LINGO1: variants seen among roughly 807,000 people sequenced by gnomAD.
LINGO1 encodes the protein leucine rich repeat and Ig domain containing 1.
In LINGO1, 11 loss-of-function variants were observed where a neutral mutation model predicts 37.3. The ratio of observed to expected loss-of-function variants is 0.29; its 90% confidence interval spans 0.19 to 0.49. The LOEUF (loss-of-function observed/expected upper bound fraction) is 0.49, where lower values mean the gene tolerates loss of function less well. Ranked by LOEUF, LINGO1 falls within the 20% of genes least tolerant of loss-of-function variation. LINGO1 has a pLI of 0.99. For synonymous variants in LINGO1, 387 were observed against 403.0 expected (o/e 0.96, Z 0.48); for missense variants, 585 against 878.2 (o/e 0.67, Z 4.22).
intron 1 of LINGO1, among the ~76,000 whole-genome samples, chr15:77,694,593 G>C (rs1394818774): frequency 6.6e-6 from 1 of 152,146 alleles, no homozygotes; most frequent in East Asian, 1.9e-4. Context: ...CCCAAAACTT[G>C]AGAGGGGGTC....
At chr15:77,813,600 G>C (rs2077024511) in intron 1 of LINGO1, among the ~76,000 whole-genome samples, 1 of 152,156 alleles carries the variant, frequency 6.6e-6, no homozygotes, top group Non-Finnish European at 1.5e-5. Flanking sequence ...ATAGCACCCA[G>C]AACAGCCAGG....
intron 2 of LINGO1, among the ~76,000 whole-genome samples, chr15:77,720,442 C>T (rs1317884656): frequency 1.3e-5 from 2 of 152,200 alleles, no homozygotes; most frequent in African/African-American, 2.4e-5. Context: ...CAGCAGGTCG[C>T]CTTTTGGAAT....
chr15:77,725,750 A>G (rs2076095968), intron 2 of LINGO1, among the ~76,000 whole-genome samples: 1 of 152,194 alleles, frequency 6.6e-6, no homozygotes, highest in African/African-American at 2.4e-5. Context: ...CAGACCTGGG[A>G]AAGCCAGGAT....
upstream of LINGO1, among the ~76,000 whole-genome samples, chr15:77,820,587 G>A (rs2077088880): frequency 6.6e-6 from 1 of 152,212 alleles, no homozygotes; most frequent in South Asian, 2.1e-4. Context: ...GGAGGACAGG[G>A]CTCACGGGCT....
intron 1 of LINGO1, among the ~76,000 whole-genome samples, chr15:77,736,502 C>T (rs1168895666): frequency 6.6e-5 from 10 of 151,958 alleles, no homozygotes; most frequent in Non-Finnish European, 1.0e-4. Flanking sequence ...GTGGCACACA[C>T]GTGTAATCCC....
chr15:77,776,493 G>GA (rs1309623475), intron 1 of LINGO1, among the ~76,000 whole-genome samples: 97 of 83,020 alleles, frequency 1.2e-3, no homozygotes, highest in African/African-American at 4.1e-3. Flanking sequence ...AGGAAAGCAG[G>GA]AAGGCAGGAA....
Position 77,719,787 on chromosome 15 carries a change from C to A in LINGO1, c.-195+15205G>T, listed in dbSNP as rs1048816847. ...ACACACTCACACATACACAAACTCA[C>A]ATTCACACACACACGCACACTCACA... On this transcript the variant is annotated intron_variant, in intron 2 of 3. Transcript: ENST00000561686. 2.8e-5 allele frequency among the ~76,000 whole-genome samples: 3 copies of A among 106,756 alleles called. 1 individual carries two copies. The highest frequency in any genetic ancestry group is 6.6e-5 in the Non-Finnish European group (3 of 45,326). 70.0% of individuals were successfully genotyped at this position (106,756 alleles called of 152,430 possible). A position where few individuals can be genotyped will look rare whatever the true frequency, so the allele number is the denominator to read the frequency against.
intron 1 of LINGO1, among the ~76,000 whole-genome samples, chr15:77,736,078 G>A (rs901439336): frequency 2.0e-5 from 3 of 152,210 alleles, no homozygotes; most frequent in Admixed American, 2.0e-4. Flanking sequence ...TTCAAATACA[G>A]TAGTCTGTAG....
rs190638612 is a variant in LINGO1, at chr15:77,712,463, C to T, written c.-194-21562G>A. Among the ~76,000 whole-genome samples the T allele has an allele frequency of 5.9e-5, 9 of 152,314 alleles. 1 individual carries two copies. Among genetic ancestry groups the T allele is most frequent in the African/African-American group, 1.7e-4 (7 of 41,566 alleles). Reference sequence around the variant, plus strand: ...CCCCAACCTGGATGAATCCAACCAACATCTTGGCACTTATAGCTGGGAGGC... The same window carrying T: ...CCCCAACCTGGATGAATCCAACCAATATCTTGGCACTTATAGCTGGGAGGC... On this transcript the variant is annotated intron_variant, in intron 2 of 3. Coordinates refer to the LINGO1 transcript ENST00000561686.
At chr15:77,697,764 C>G (rs28501357), upstream of LINGO1, among the ~76,000 whole-genome samples, 65,223 of 151,896 alleles carry the variant, frequency 0.43, 15,278 homozygotes, top group African/African-American at 0.63. Flanking sequence ...TCCAGGGCTG[C>G]GGTTTGGGAA....
intron 2 of LINGO1, among the ~76,000 whole-genome samples, chr15:77,722,564 C>G (rs955036577): frequency 6.6e-6 from 1 of 152,234 alleles, no homozygotes; most frequent in Non-Finnish European, 1.5e-5. Flanking sequence ...ATGCTAACTC[C>G]TACCTCAAGG....
At chr15:77,767,655 G>T (rs1348754199) in intron 1 of LINGO1, among the ~76,000 whole-genome samples, 1 of 152,146 alleles carries the variant, frequency 6.6e-6, no homozygotes, top group African/African-American at 2.4e-5. Context: ...AGGTAACATT[G>T]GTAGAGGCTT....
chr15:77,694,626 T>C lies in LINGO1; in HGVS notation c.-281+1765A>G, dbSNP rs1026833701. On this transcript the variant is annotated intron_variant, in intron 1 of 3. Coordinates refer to the LINGO1 transcript ENST00000559893. ...GTCTCAGCCTAGAAGATTTCCTCCC[T>C]GGTTACACAGGCCCTGATCCTCCAC... Among the ~76,000 whole-genome samples the C allele has an allele frequency of 4.6e-5, 7 of 152,346 alleles. No homozygotes were observed. In the East Asian group the frequency reaches 5.8e-4, roughly 13 times the overall value.
rs73457852 is a variant in LINGO1, at chr15:77,674,296, T to C, written c.-13+2793A>G. ...CAAGACTCCCTGGTTCAGTCCTCCA[T>C]TGCCTCCTCCCTGGATCACTGCAAC... On this transcript the variant is annotated intron_variant, in intron 3 of 3. Coordinates refer to the LINGO1 transcript ENST00000559893. Among the ~76,000 whole-genome samples, 401 of 152,288 alleles carry C rather than the reference T, an allele frequency of 2.6e-3. 1 individual carries two copies. Among genetic ancestry groups the C allele is most frequent in the African/African-American group, 9.3e-3 (387 of 41,564 alleles).
intron 3 of LINGO1, among the ~76,000 whole-genome samples, chr15:77,643,771 C>G (rs745888787): frequency 7.9e-5 from 12 of 152,186 alleles, no homozygotes; most frequent in Non-Finnish European, 1.6e-4. Context: ...GCTTCCTTCC[C>G]GAGTCTGGTG....
chr15:77,719,594 C>A (rs997056077), intron 2 of LINGO1, among the ~76,000 whole-genome samples: 2 of 149,762 alleles, frequency 1.3e-5, no homozygotes, highest in African/African-American at 2.4e-5. Context: ...TTTCAAGAGA[C>A]TCCAGAAGCC....
rs1359739499 is a variant in LINGO1 at position 77,717,387 on chromosome 15, G to C, written c.-195+17605C>G. 2.7e-5 allele frequency among the ~76,000 whole-genome samples: 4 copies of C among 150,770 alleles called. 1 individual carries two copies. The highest frequency in any genetic ancestry group is 2.0e-4 in the Admixed American group (3 of 15,112). The stretch of plus-strand genomic sequence containing the variant: ...GTGGGGGTGGCAGGCCCAGGTGCCA[G>C]CCAGCCTGTGGGGCCGCCACATGCA... On this transcript the variant is annotated intron_variant, in intron 2 of 3. Coordinates refer to the LINGO1 transcript ENST00000561686.
At chr15:77,742,123 C>A (rs920941357) in intron 1 of LINGO1, among the ~76,000 whole-genome samples, 1 of 152,210 alleles carries the variant, frequency 6.6e-6, no homozygotes. Flanking sequence ...GCAGAGGGGC[C>A]GCTCCCAGGG....
chr15:77,663,722 C>T (rs944006727), intron 3 of LINGO1, among the ~76,000 whole-genome samples: 10 of 152,172 alleles, frequency 6.6e-5, no homozygotes, highest in African/African-American at 1.9e-4. Context: ...TCCAGAGATA[C>T]GGGCCTCCCC....
Sources: allele counts gnomAD v4.1 joint callset (sites outside exome capture counted in the v4.1 genomes callset), GRCh38; gene constraint gnomAD v4.1.1; transcripts MANE v1.5; gene names NCBI Gene and HGNC (gene_info 2026-07-23, HGNC 2026-07-21).